Variants in ERBB4 observed in about 807,000 individuals in gnomAD.
ERBB4 encodes the protein receptor tyrosine-protein kinase erbB-4.
Under a neutral mutation model 158.0 loss-of-function variants are expected in ERBB4, and 42 were observed. The observed-to-expected ratio is 0.27, with a 90% CI of 0.21 to 0.34. The LOEUF (loss-of-function observed/expected upper bound fraction) is 0.34, where lower values mean the gene tolerates loss of function less well. Ranked by LOEUF, ERBB4 falls within the 10% of genes least tolerant of loss-of-function variation. The pLI, the probability that ERBB4 is intolerant of heterozygous loss-of-function variation, is 1.00. For missense variants in ERBB4, 1,333 were observed against 1,624.1 expected, an observed-to-expected ratio of 0.82 and a Z score of 3.08; for synonymous variants, 583 against 558.7, an observed-to-expected ratio of 1.04 and a Z score of -0.61.
At chr2:211,768,283 G>A (rs1322337698) in intron 4 of ERBB4, among the ~76,000 whole-genome samples, 1 of 152,180 alleles carries the variant, frequency 6.6e-6, no homozygotes, top group Non-Finnish European at 1.5e-5. Context: ...CCTCCTGGCT[G>A]CTTTCAAGGC....
chr2:211,649,813 A>G (rs949360402), intron 16 of ERBB4, among the ~76,000 whole-genome samples: 4 of 151,864 alleles, frequency 2.6e-5, no homozygotes, highest in Admixed American at 6.6e-5. Flanking sequence ...ATTCTTTAGT[A>G]CTGAGTTACT....
chr2:211,680,424 A>G (rs1001244581), intron 12 of ERBB4, among the ~76,000 whole-genome samples: 7 of 152,212 alleles, frequency 4.6e-5, no homozygotes, highest in Non-Finnish European at 8.8e-5. Flanking sequence ...TAATAATTCT[A>G]AAGAAGATTA....
intron 1 of ERBB4, among the ~76,000 whole-genome samples, chr2:212,357,931 C>A (rs533951661): frequency 6.6e-6 from 1 of 151,964 alleles, no homozygotes; most frequent in East Asian, 1.9e-4. Flanking sequence ...TGGCCTCACC[C>A]AGAATCATCT....
intron 3 of ERBB4, among the ~76,000 whole-genome samples, chr2:211,892,681 C>T (rs1371585865): frequency 6.9e-6 from 1 of 145,528 alleles, no homozygotes; most frequent in Non-Finnish European, 1.5e-5. Flanking sequence ...AGCCCAAAAT[C>T]TCCTTAAGCT....
At chr2:212,048,143 G>C (rs1023392580) in intron 2 of ERBB4, among the ~76,000 whole-genome samples, 10 of 152,190 alleles carry the variant, frequency 6.6e-5, no homozygotes, top group African/African-American at 2.4e-4. Flanking sequence ...TGGAAAGAGT[G>C]CCTCAGCTGG....
rs182387602 is a variant in ERBB4 at position 211,605,927 on chromosome 2, C to G, written c.2301+13250G>C. Among the ~76,000 whole-genome samples, 8 of 152,120 alleles carry G rather than the reference C, an allele frequency of 5.3e-5. 1 individual carries two copies. The highest frequency in any genetic ancestry group is 1.9e-4 in the African/African-American group (8 of 41,526). On this transcript the variant is annotated intron_variant, in intron 19 of 27. Transcript: ENST00000342788. ...GACCAAGATCTTTTATATCAAGATT[C>G]TAAATTCAGTATTTCTTTTACCTAA...
At chr2:211,541,166 A>G (rs1215962843) in intron 20 of ERBB4, among the ~76,000 whole-genome samples, 1 of 151,906 alleles carries the variant, frequency 6.6e-6, no homozygotes, top group African/African-American at 2.4e-5. Context: ...TTCCAGTTAA[A>G]TATACTTGTC....
intron 1 of ERBB4, among the ~76,000 whole-genome samples, chr2:212,373,397 A>G (rs960292108): frequency 6.6e-6 from 1 of 152,048 alleles, no homozygotes; most frequent in African/African-American, 2.4e-5. Flanking sequence ...TATTTTTAGG[A>G]GCCATTTTTG....
chr2:211,679,535 T>C (rs1407376229), intron 12 of ERBB4, among the ~76,000 whole-genome samples: 1 of 152,116 alleles, frequency 6.6e-6, no homozygotes, highest in African/African-American at 2.4e-5. Flanking sequence ...AAATAAAATA[T>C]TTTGGCTTCT....
At chr2:211,522,705 A>G (rs1209247668) in intron 20 of ERBB4, among the ~76,000 whole-genome samples, 1 of 152,116 alleles carries the variant, frequency 6.6e-6, no homozygotes, top group Non-Finnish European at 1.5e-5. Flanking sequence ...ATTTTAAGAA[A>G]TTTCACCATC....
chr2:211,831,718 A>G (rs1285938086), intron 3 of ERBB4, among the ~76,000 whole-genome samples: 2 of 152,098 alleles, frequency 1.3e-5, no homozygotes, highest in East Asian at 1.9e-4. Context: ...CCTGGCCAAC[A>G]TGGTGAAACC....
chr2:212,482,133 A>G (rs2106163477), intron 1 of ERBB4, among the ~76,000 whole-genome samples: 1 of 152,372 alleles, frequency 6.6e-6, no homozygotes, highest in Middle Eastern at 3.4e-3. Flanking sequence ...CACACTACAG[A>G]CTTTCAATTC....
At position 211,515,910 on chromosome 2, in the gene ERBB4, A is replaced by AT. The variant is rs1282959141; in HGVS notation, c.2487+45992dup. ...AAAAACATATATTATATATATATAT[A>AT]TATTTTTTTTTTTTTTTTTTTTGAG... On this transcript the variant is annotated intron_variant, in intron 20 of 27. Transcript: ENST00000342788. Among the ~76,000 whole-genome samples, 78 of 83,130 alleles carry AT rather than the reference A, an allele frequency of 9.4e-4. 2 individuals carry two copies. Among genetic ancestry groups the AT allele is most frequent in the African/African-American group, 2.3e-3 (36 of 15,808 alleles). The allele number at this position is 83,130 out of a possible 152,430, so 54.5% of individuals were successfully genotyped here. A position where few individuals can be genotyped will look rare whatever the true frequency, so the allele number is the denominator to read the frequency against.
At chr2:212,040,643 T>C (rs2077119369) in intron 2 of ERBB4, among the ~76,000 whole-genome samples, 1 of 152,122 alleles carries the variant, frequency 6.6e-6, no homozygotes, top group African/African-American at 2.4e-5. Flanking sequence ...CCTAGCATGG[T>C]AGCTCCGGTA....
intron 1 of ERBB4, among the ~76,000 whole-genome samples, chr2:212,132,472 GGTGA>G (rs1487071498): frequency 2.0e-5 from 3 of 152,118 alleles, no homozygotes; most frequent in African/African-American, 7.2e-5. Flanking sequence ...CCCCAGTGTG[GGTGA>G]GTATTATCCA....
At chr2:211,561,638 T>C (rs1318420051) in intron 20 of ERBB4, 1 of 468,080 alleles carries the variant, frequency 2.1e-6, no homozygotes, top group Non-Finnish European at 3.9e-6. Flanking sequence ...AGTATAACAA[T>C]TCCTCCCCCT....
At chr2:211,485,131 G>A (rs2065172134) in intron 20 of ERBB4, among the ~76,000 whole-genome samples, 1 of 152,118 alleles carries the variant, frequency 6.6e-6, no homozygotes, top group Non-Finnish European at 1.5e-5. Context: ...CTAATGTGAT[G>A]CTCTGTGGTA....
At chr2:211,557,936 C>T (rs1451472162) in intron 20 of ERBB4, among the ~76,000 whole-genome samples, 1 of 152,082 alleles carries the variant, frequency 6.6e-6, no homozygotes, top group Non-Finnish European at 1.5e-5. Flanking sequence ...ACCATGCAGC[C>T]ATAAAATGGA....
At chr2:211,717,177 G>A (rs6729362) in intron 7 of ERBB4, among the ~76,000 whole-genome samples, 14,453 of 152,160 alleles carry the variant, frequency 0.095, 799 homozygotes, top group South Asian at 0.24. Flanking sequence ...TAATTTGAAG[G>A]TAGTAGATTA....
Sources: allele counts gnomAD v4.1 joint callset (sites outside exome capture counted in the v4.1 genomes callset), GRCh38; gene constraint gnomAD v4.1.1; transcripts MANE v1.5; gene names NCBI Gene and HGNC (gene_info 2026-07-23, HGNC 2026-07-21).